Variants in TMEM65 observed in about 807,000 individuals in gnomAD.
The protein encoded by TMEM65 is transmembrane protein 65.
In TMEM65, 22 loss-of-function variants were observed where a neutral mutation model predicts 25.4. That is an observed-to-expected ratio of 0.86 (90% CI 0.62 to 1.23). The LOEUF (loss-of-function observed/expected upper bound fraction) is 1.23. TMEM65 is among the 50% of genes most tolerant of loss of function. The pLI, the probability that TMEM65 is intolerant of heterozygous loss-of-function variation, is 0.00. For missense variants in TMEM65, 262 were observed against 308.2 expected (o/e 0.85, Z 1.12); for synonymous variants, 132 against 126.2 (o/e 1.05, Z -0.31).
intron 1 of TMEM65, among the ~76,000 whole-genome samples, chr8:124,353,984 A>G (rs1232035364): frequency 6.6e-6 from 1 of 152,216 alleles, no homozygotes. Flanking sequence ...AACATCACCA[A>G]GGACAAATTG....
chr8:124,371,702 C>T, intron 1 of TMEM65, 152 bp downstream of exon 1: 1 of 746,214 alleles, frequency 1.3e-6, no homozygotes, highest in Non-Finnish European at 1.9e-6. Context: ...CCGCCCCCAG[C>T]CGTCCCAGGC....
At chr8:124,356,961 T>C (rs896018896) in intron 1 of TMEM65, among the ~76,000 whole-genome samples, 5 of 151,972 alleles carry the variant, frequency 3.3e-5, no homozygotes, top group African/African-American at 7.2e-5. Context: ...TCCCAACTCG[T>C]CCTCCCAAAG....
chr8:124,324,156 T>C (rs1428121531), intron 3 of TMEM65, among the ~76,000 whole-genome samples: 2 of 152,134 alleles, frequency 1.3e-5, no homozygotes, highest in Non-Finnish European at 2.9e-5. Context: ...AGACTTAATT[T>C]TCAAGAGTTC....
At chr8:124,330,835 C>T (rs767542552) in intron 1 of TMEM65, 43 bp from the exon 2 acceptor site, 51 of 1,520,108 alleles carry the variant, frequency 3.4e-5, no homozygotes, top group Non-Finnish European at 4.3e-5. Flanking sequence ...TTAGTTACTA[C>T]AGCGTGATAT....
At chr8:124,340,585 A>C (rs189694538) in intron 1 of TMEM65, among the ~76,000 whole-genome samples, 91 of 152,286 alleles carry the variant, frequency 6.0e-4, no homozygotes, top group African/African-American at 2.1e-3. Context: ...TGGTGAAATA[A>C]ACTTATGTTA....
At chr8:124,322,181 AAAG>A (rs1185030382) in intron 4 of TMEM65, 34 bp from the exon 5 acceptor site, 1 of 1,481,504 alleles carries the variant, frequency 6.7e-7, no homozygotes. Context: ...TTGTTACATA[AAAG>A]AATAATAATT....
At chr8:124,345,926 T>C (rs961583326) in intron 1 of TMEM65, among the ~76,000 whole-genome samples, 2 of 152,140 alleles carry the variant, frequency 1.3e-5, no homozygotes, top group African/African-American at 4.8e-5. Flanking sequence ...GTATATTTTT[T>C]AGCAGAGACA....
intron 1 of TMEM65, among the ~76,000 whole-genome samples, chr8:124,363,176 T>C (rs1323460886): frequency 2.6e-5 from 4 of 152,202 alleles, no homozygotes; most frequent in Non-Finnish European, 5.9e-5. Context: ...CAGAGGGTCC[T>C]TGCAGCATCC....
intron 1 of TMEM65, among the ~76,000 whole-genome samples, chr8:124,365,905 T>C (rs1313830639): frequency 1.3e-5 from 2 of 152,190 alleles, no homozygotes; most frequent in Admixed American, 6.5e-5. Flanking sequence ...CCACTGTATT[T>C]GTGGTGTTAC....
intron 1 of TMEM65, among the ~76,000 whole-genome samples, chr8:124,361,876 A>AT (rs994803922): frequency 6.7e-6 from 1 of 149,652 alleles, no homozygotes; most frequent in Non-Finnish European, 1.5e-5. Context: ...AAAAAGCAAG[A>AT]TTTTTTTTGT....
intron 1 of TMEM65, among the ~76,000 whole-genome samples, chr8:124,339,553 A>C (rs1453994891): frequency 6.6e-6 from 1 of 151,976 alleles, no homozygotes; most frequent in Non-Finnish European, 1.5e-5. Flanking sequence ...ATTTGGCATC[A>C]AAAGTGAGAT....
intron 1 of TMEM65, among the ~76,000 whole-genome samples, chr8:124,361,989 C>T (rs1814870752): frequency 1.3e-5 from 2 of 151,798 alleles, no homozygotes; most frequent in South Asian, 4.2e-4. Context: ...CTCCTGGGTT[C>T]AAGCACTTCT....
intron 4 of TMEM65, among the ~76,000 whole-genome samples, chr8:124,322,966 G>A (rs1410716099): frequency 6.6e-6 from 1 of 151,874 alleles, no homozygotes; most frequent in African/African-American, 2.4e-5. Flanking sequence ...CTGAACTGCA[G>A]CCTGGGTGAC....
chr8:124,351,688 G>A (rs558362397), intron 1 of TMEM65, among the ~76,000 whole-genome samples: 1 of 152,014 alleles, frequency 6.6e-6, no homozygotes, highest in Non-Finnish European at 1.5e-5. Flanking sequence ...TGAACTTTTT[G>A]CCAGGGTCAC....
In TMEM65 at chr8:124,307,120, T is replaced by C. The variant is rs1386853021; in HGVS notation, c.*6840A>G. The stretch of plus-strand genomic sequence containing the variant: ...TAATTTCAGAGCTACCTCCTGTTGC[T>C]GTTGCTGTGAGCTCAAGTGCTGTAT... On this transcript the variant is annotated 3_prime_UTR_variant, in exon 7 of 7. Coordinates refer to ENST00000297632, the MANE Select transcript of TMEM65 (RefSeq NM_194291.3). 6.6e-6 allele frequency: 1 copy of C among 152,236 alleles called. No individual in the cohort carries two copies. Among genetic ancestry groups the C allele is most frequent in the Admixed American group, 6.5e-5 (1 of 15,278 alleles). The allele number at this position is 152,236 out of a possible 1,614,324, so 9.4% of individuals were successfully genotyped here.
At chr8:124,314,122 G>A in intron 6 of TMEM65, 61 bp from the exon 7 acceptor site, 5 of 1,347,256 alleles carry the variant, frequency 3.7e-6, no homozygotes, top group Admixed American at 1.9e-5. Context: ...AGAAGGCAGA[G>A]AAAAAATCTC....
chr8:124,334,968 G>T (rs1269983280), intron 1 of TMEM65, among the ~76,000 whole-genome samples: 3 of 151,608 alleles, frequency 2.0e-5, no homozygotes, highest in African/African-American at 7.3e-5. Flanking sequence ...TATTAAAAGG[G>T]CTAATATATG....
At chr8:124,318,387 T>G (rs1359002825) in intron 6 of TMEM65, among the ~76,000 whole-genome samples, 22 of 137,466 alleles carry the variant, frequency 1.6e-4, no homozygotes, top group African/African-American at 5.5e-4. Flanking sequence ...TTTTTTTTTT[T>G]TTTTTGAGAT....
chr8:124,324,696 T>C (rs1264686888), intron 3 of TMEM65, among the ~76,000 whole-genome samples: 2 of 152,066 alleles, frequency 1.3e-5, no homozygotes, highest in East Asian at 3.8e-4. Context: ...AAGTGCTTAA[T>C]CATTTGGTTG....
Sources: allele counts gnomAD v4.1 joint callset (sites outside exome capture counted in the v4.1 genomes callset), GRCh38; gene constraint gnomAD v4.1.1; transcripts MANE v1.5; gene names NCBI Gene and HGNC (gene_info 2026-07-23, HGNC 2026-07-21).